The following KIF21A variants were observed in gnomAD, a reference collection of about 807,000 sequenced individuals.
The protein encoded by KIF21A is kinesin family member 21A, also known as kinesin-like protein KIF21A.
In KIF21A, 114 loss-of-function variants were observed where a neutral mutation model predicts 202.9. The ratio of observed to expected loss-of-function variants is 0.56; its 90% CI spans 0.48 to 0.66. The LOEUF (loss-of-function observed/expected upper bound fraction) is 0.66. KIF21A is among the 30% of genes least tolerant of loss of function. The pLI is 0.00. For missense variants in KIF21A, 1,677 were observed against 1,994.9 expected, an observed-to-expected ratio of 0.84 and a Z score of 3.04; for synonymous variants, 667 against 670.8, an observed-to-expected ratio of 0.99 and a Z score of 0.09.
chr12:39,382,735 T>G (rs1182930336), intron 1 of KIF21A, among the ~76,000 whole-genome samples: 4 of 152,140 alleles, frequency 2.6e-5, no homozygotes, highest in African/African-American at 4.8e-5. Context: ...AAAATCCAAA[T>G]GAACAATTAA....
intron 1 of KIF21A, among the ~76,000 whole-genome samples, chr12:39,416,742 T>TACATGTAC (rs1953727516): frequency 7.4e-6 from 1 of 135,124 alleles, no homozygotes; most frequent in African/African-American, 3.0e-5. Context: ...TATGTGTATA[T>TACATGTAC]ATATATGTAC....
intron 1 of KIF21A, among the ~76,000 whole-genome samples, chr12:39,413,429 A>C (rs1953277985): frequency 6.6e-6 from 1 of 152,176 alleles, no homozygotes; most frequent in South Asian, 2.1e-4. Flanking sequence ...GACCAGGTGA[A>C]ATACTTAAAA....
At chr12:39,346,315 T>A (rs1592259965) in intron 12 of KIF21A, 151 bp downstream of exon 12, 1 of 422,400 alleles carries the variant, frequency 2.4e-6, no homozygotes, top group African/African-American at 2.0e-5. Flanking sequence ...ATTACAGTGT[T>A]CTTGTTAGTT....
chr12:39,432,695 C>T (rs574230889), intron 1 of KIF21A, among the ~76,000 whole-genome samples: 32 of 152,058 alleles, frequency 2.1e-4, no homozygotes, highest in South Asian at 1.7e-3. Context: ...ACTGCAACCT[C>T]GGCCTCCCGA....
intron 1 of KIF21A, among the ~76,000 whole-genome samples, chr12:39,423,246 G>T (rs942429054): frequency 6.6e-6 from 1 of 152,104 alleles, no homozygotes; most frequent in Non-Finnish European, 1.5e-5. Context: ...CTATAAGTCA[G>T]TGCCCGGAGA....
At chr12:39,372,124 T>TC (rs1455248771) in intron 1 of KIF21A, among the ~76,000 whole-genome samples, 1 of 151,276 alleles carries the variant, frequency 6.6e-6, no homozygotes. Context: ...CAAGTCCAGA[T>TC]CCCCTAAGTC....
chr12:39,415,431 G>A (rs897796365), intron 1 of KIF21A, among the ~76,000 whole-genome samples: 1 of 151,702 alleles, frequency 6.6e-6, no homozygotes, highest in African/African-American at 2.4e-5. Flanking sequence ...TAATAGAGAC[G>A]GGGTTTCACC....
intron 26 of KIF21A, 23 bp from the exon 27 acceptor site, chr12:39,322,905 A>G (rs779689255): frequency 1.3e-6 from 2 of 1,553,754 alleles, no homozygotes; most frequent in South Asian, 2.3e-5. Flanking sequence ...TGGAAGGAAA[A>G]GCAATCAGGA....
intron 1 of KIF21A, among the ~76,000 whole-genome samples, chr12:39,423,418 A>G (rs1379546328): frequency 6.6e-6 from 1 of 152,010 alleles, no homozygotes; most frequent in African/African-American, 2.4e-5. Context: ...CACTGATCTC[A>G]AGATCCACAG....
chr12:39,342,903 C>A lies in KIF21A; in HGVS notation c.1713-779G>T, dbSNP rs184110825. ...ATGATTATAGCTAAATTAATTCAGCCCTGGTGGCCCTGAGGAAAAGAGAGA... is the reference window on the plus strand; with the variant it reads ...ATGATTATAGCTAAATTAATTCAGCACTGGTGGCCCTGAGGAAAAGAGAGA... On this transcript the variant is annotated intron_variant, in intron 12 of 37. Coordinates refer to ENST00000361418, the MANE Select transcript of KIF21A (RefSeq NM_001173464.2). Among the ~76,000 whole-genome samples the A allele has an allele frequency of 1.9e-3, 296 of 152,184 alleles. 1 individual carries two copies. Among genetic ancestry groups the A allele is most frequent in the African/African-American group, 6.6e-3 (273 of 41,536 alleles).
At chr12:39,354,802 A>G (rs1948645023) in intron 10 of KIF21A, among the ~76,000 whole-genome samples, 1 of 152,182 alleles carries the variant, frequency 6.6e-6, no homozygotes. Context: ...TACCTTTATG[A>G]TACCTTTATA....
At chr12:39,405,364 A>G (rs1206179967) in intron 1 of KIF21A, among the ~76,000 whole-genome samples, 1 of 152,114 alleles carries the variant, frequency 6.6e-6, no homozygotes, top group Admixed American at 6.6e-5. Flanking sequence ...AAAACAAAAG[A>G]GAGAATTTAT....
intron 1 of KIF21A, among the ~76,000 whole-genome samples, chr12:39,394,209 C>G (rs2139707525): frequency 6.6e-6 from 1 of 152,284 alleles, no homozygotes; most frequent in East Asian, 1.9e-4. Context: ...GCAGAGCATG[C>G]AATACATAGG....
Position 39,340,349 on chromosome 12 carries a change from T to C in KIF21A, c.2126A>G (p.Tyr709Cys). The change falls in exon 16 of 38, where the codon TAC becomes TGC. Residue 709 changes from tyrosine (Y) to cysteine (C), a missense_variant. This residue lies in a region of KIF21A where 966 missense variants were observed against 1,180.9 expected (regional missense o/e 0.82). Transcript: ENST00000361418. ...AACTTTTTTTGCTTTTTCTTCTGAGTAAGATTCTACCGAGCCTAAATGACC... is the reference window on the plus strand; with the variant it reads ...AACTTTTTTTGCTTTTTCTTCTGAGCAAGATTCTACCGAGCCTAAATGACC... ...VLQNLGSVES[Y>C]SEEKAKKVRS... 1.2e-6 allele frequency: 2 copies of C among 1,607,010 alleles called. No homozygotes were observed. Among genetic ancestry groups the C allele is most frequent in the Middle Eastern group, 1.7e-4 (1 of 5,966 alleles).
intron 1 of KIF21A, among the ~76,000 whole-genome samples, chr12:39,390,057 T>G (rs962922167): frequency 5.4e-4 from 82 of 152,318 alleles, no homozygotes; most frequent in African/African-American, 1.8e-3. Flanking sequence ...TTAGGGACAC[T>G]ACTTGCATCT....
At chr12:39,303,329 T>C (rs1319451772) in intron 35 of KIF21A, among the ~76,000 whole-genome samples, 194 bp from the exon 36 acceptor site, 8 of 152,126 alleles carry the variant, frequency 5.3e-5, no homozygotes, top group Non-Finnish European at 1.2e-4. Context: ...TCACTATGTT[T>C]CCCAGGCTGG....
chr12:39,342,138 C>G lies in KIF21A; in HGVS notation c.1713-14G>C. ...TTACCAGCCACACTAAAAAAAGGAA[C>G]ATAAGGGTATGGTGTTAAAATAGAA... On this transcript the variant is annotated splice_polypyrimidine_tract_variant and intron_variant, in intron 12 of 37. Transcript: ENST00000361418. 1 of 1,538,764 alleles carries G rather than the reference C, an allele frequency of 6.5e-7. No individual in the cohort carries two copies. The highest frequency in any genetic ancestry group is 9.0e-7 in the Non-Finnish European group (1 of 1,111,892).
At position 39,442,897 on chromosome 12, in the gene KIF21A, C is replaced by T; in HGVS notation, c.44+30G>A. 6.6e-7 allele frequency: 1 copy of T among 1,523,304 alleles called. No individual in the cohort carries two copies. The highest frequency in any genetic ancestry group is 8.8e-7 in the Non-Finnish European group (1 of 1,142,098). The allele number at this position is 1,523,304 out of a possible 1,614,324, so 94.4% of individuals were successfully genotyped here. On this transcript the variant is annotated intron_variant, in intron 1 of 37. Transcript: ENST00000361418. This position sits in a 1 kb window ranked among gnomAD's most constrained non-coding sequence, Gnocchi z 5.0. ...CTTGCCGCGCCCTCAACCCGCCGCC[C>T]GCCGCCCGCCGCCGGCAGACTGTCC...
rs530253036 is a variant in KIF21A at position 39,318,604 on chromosome 12, C to T, written c.3780-403G>A. Among the ~76,000 whole-genome samples, 33 of 152,246 alleles carry T rather than the reference C, an allele frequency of 2.2e-4. 1 individual carries two copies. The South Asian group carries it at 6.8e-3, about 32-fold the overall frequency. ...TTTAAATCATTTATGTGCTCCATCC[C>T]CATTTCCCAATTATTCTTGAGAGAT... On this transcript the variant is annotated intron_variant, in intron 28 of 37. Transcript: ENST00000361418.
Sources: allele counts gnomAD v4.1 joint callset (sites outside exome capture counted in the v4.1 genomes callset), GRCh38; gene constraint gnomAD v4.1.1; regional missense constraint gnomAD v4.1.1; non-coding constraint Gnocchi (gnomAD v3.1); transcripts MANE v1.5; gene names NCBI Gene and HGNC (gene_info 2026-07-23, HGNC 2026-07-21).